The following DGKB variants were observed in gnomAD, a reference collection of about 807,000 sequenced individuals.
The protein encoded by DGKB is diacylglycerol kinase beta, also known as 90 kDa diacylglycerol kinase.
Under a neutral mutation model 114.3 loss-of-function variants are expected in DGKB, and 67 were observed. That is an observed-to-expected ratio of 0.59 (90% CI 0.48 to 0.72). DGKB has a LOEUF of 0.72. Among genes scored for constraint, DGKB ranks in the 30% least tolerant of loss-of-function variants. DGKB has a pLI of 0.00. For synonymous variants in DGKB, 398 were observed against 323.1 expected (o/e 1.23, Z -2.49); for missense variants, 907 against 975.2 (o/e 0.93, Z 0.93).
upstream of DGKB, among the ~76,000 whole-genome samples, chr7:14,904,814 G>T (rs1783597111): frequency 6.6e-6 from 1 of 152,088 alleles, no homozygotes; most frequent in Non-Finnish European, 1.5e-5. Flanking sequence ...ATTATTAACA[G>T]TCTGAAGAGT....
chr7:14,800,496 G>A (rs1842012248), intron 2 of DGKB, among the ~76,000 whole-genome samples: 1 of 152,166 alleles, frequency 6.6e-6, no homozygotes, highest in Non-Finnish European at 1.5e-5. Flanking sequence ...CTCCCGTGCT[G>A]GATGCTTTCT....
intron 21 of DGKB, among the ~76,000 whole-genome samples, chr7:14,357,736 G>A (rs1018899736): frequency 3.3e-5 from 5 of 152,112 alleles, no homozygotes; most frequent in East Asian, 1.9e-4. Flanking sequence ...GGCTGATACC[G>A]GTTGTTCCTT....
intron 2 of DGKB, among the ~76,000 whole-genome samples, chr7:14,788,115 C>T (rs931892348): frequency 6.6e-6 from 1 of 152,220 alleles, no homozygotes; most frequent in Non-Finnish European, 1.5e-5. Context: ...CCTCTGGTAC[C>T]TTTATCCCAG....
At chr7:14,209,173 G>GA (rs11303119) in intron 23 of DGKB, 21,741 of 252,364 alleles carry the variant, frequency 0.086, 114 homozygotes, top group South Asian at 0.16. Context: ...ACTACTGATA[G>GA]AAAAAAAAAA....
At chr7:14,627,953 A>AAC (rs1554555744) in intron 14 of DGKB, among the ~76,000 whole-genome samples, 1,042 of 37,078 alleles carry the variant, frequency 0.028, 17 homozygotes, top group African/African-American at 0.053. Flanking sequence ...AAAAAAACAA[A>AAC]AAAAAAAAAC....
intron 20 of DGKB, among the ~76,000 whole-genome samples, chr7:14,567,538 A>C: frequency 1.1e-5 from 1 of 90,618 alleles, no homozygotes; most frequent in East Asian, 2.6e-4. Context: ...AATTATATAT[A>C]ATTATATATA....
At chr7:14,706,973 G>C (rs1472854487) in intron 6 of DGKB, among the ~76,000 whole-genome samples, 16 of 148,590 alleles carry the variant, frequency 1.1e-4, no homozygotes, top group East Asian at 8.0e-4. Flanking sequence ...AATCAGAGCA[G>C]AACTGAAGGA....
At chr7:14,715,930 G>C (rs1489956064) in intron 6 of DGKB, among the ~76,000 whole-genome samples, 1 of 152,126 alleles carries the variant, frequency 6.6e-6, no homozygotes, top group African/African-American at 2.4e-5. Flanking sequence ...TTCTTTAACG[G>C]AATAAGCTTT....
chr7:14,880,158 G>A (rs1024398549), intron 1 of DGKB, among the ~76,000 whole-genome samples: 6 of 152,106 alleles, frequency 3.9e-5, no homozygotes, highest in Non-Finnish European at 5.9e-5. Flanking sequence ...GGAAAGGGCA[G>A]GTTCTAAGGT....
At chr7:14,270,569 G>A (rs1310379932) in intron 23 of DGKB, among the ~76,000 whole-genome samples, 1 of 152,198 alleles carries the variant, frequency 6.6e-6, no homozygotes, top group Non-Finnish European at 1.5e-5. Flanking sequence ...TGGTAGTACA[G>A]GCAATCTGAG....
intron 23 of DGKB, among the ~76,000 whole-genome samples, chr7:14,241,957 TACACACAC>T (rs71033980): frequency 0.025 from 3,659 of 148,080 alleles, 135 homozygotes; most frequent in African/African-American, 0.082. Flanking sequence ...CACACACATA[TACACACAC>T]ACACACACAC....
chr7:14,648,345 C>A (rs1431510604), intron 13 of DGKB, among the ~76,000 whole-genome samples: 1 of 152,192 alleles, frequency 6.6e-6, no homozygotes, highest in Non-Finnish European at 1.5e-5. Context: ...CCCCTGACCC[C>A]CGAGCAGCCT....
At chr7:14,356,410 G>A (rs1350624552) in intron 21 of DGKB, among the ~76,000 whole-genome samples, 1 of 132,030 alleles carries the variant, frequency 7.6e-6, no homozygotes, top group Non-Finnish European at 1.5e-5. Context: ...TGCCCAGGCT[G>A]GAGTGCAGTG....
chr7:14,493,529 T>C (rs1297778660), intron 20 of DGKB, among the ~76,000 whole-genome samples: 2 of 152,028 alleles, frequency 1.3e-5, no homozygotes, highest in African/African-American at 4.8e-5. Context: ...CAAGATGATA[T>C]GAAGCTTACA....
chr7:14,815,469 A>AAGATG (rs1442069530), intron 2 of DGKB, among the ~76,000 whole-genome samples: 8 of 152,228 alleles, frequency 5.3e-5, no homozygotes, highest in Non-Finnish European at 1.0e-4. Flanking sequence ...GCCATGCCAA[A>AAGATG]AGATGAGATA....
In DGKB at chr7:14,535,262, A is replaced by G. The variant is rs114893302; in HGVS notation, c.1770+38950T>C. Among the ~76,000 whole-genome samples, 341 of 152,044 alleles carry G rather than the reference A, an allele frequency of 2.2e-3. 1 individual carries two copies. Among genetic ancestry groups the G allele is most frequent in the African/African-American group, 7.7e-3 (321 of 41,522 alleles). On this transcript the variant is annotated intron_variant, in intron 20 of 25. Transcript: ENST00000402815. The stretch of plus-strand genomic sequence containing the variant: ...TGTGAGTCTGTAGTTCCAGCTACTC[A>G]GGAGGCTGAGGCAGCAGGATTGCTT...
chr7:14,733,798 G>C (rs1045300248), intron 5 of DGKB, among the ~76,000 whole-genome samples: 1 of 136,596 alleles, frequency 7.3e-6, no homozygotes, highest in East Asian at 2.9e-4. Context: ...AGAAGGGAGA[G>C]AGGGAGGGAA....
chr7:14,205,122 C>A (rs1297113103), intron 23 of DGKB, among the ~76,000 whole-genome samples: 1 of 151,994 alleles, frequency 6.6e-6, no homozygotes, highest in Non-Finnish European at 1.5e-5. Context: ...AAAATAGCCT[C>A]TCATCTTAGT....
intron 2 of DGKB, among the ~76,000 whole-genome samples, chr7:14,763,519 T>C (rs1836011049): frequency 6.6e-6 from 1 of 152,042 alleles, no homozygotes; most frequent in East Asian, 1.9e-4. Flanking sequence ...AGCTAAAAAG[T>C]TTCACATAAT....
Sources: allele counts gnomAD v4.1 joint callset (sites outside exome capture counted in the v4.1 genomes callset), GRCh38; gene constraint gnomAD v4.1.1; transcripts MANE v1.5; gene names NCBI Gene and HGNC (gene_info 2026-07-23, HGNC 2026-07-21).